Variants in IGSF21 observed in about 807,000 individuals in gnomAD.
IGSF21 encodes immunoglobulin superfamily member 21.
IGSF21 carries 28 observed loss-of-function variants against 46.8 expected under a neutral mutation model. The observed-to-expected ratio is 0.60, with a 90% CI of 0.44 to 0.82. The LOEUF (loss-of-function observed/expected upper bound fraction) is 0.82, where lower values mean the gene tolerates loss of function less well. Among genes scored for constraint, IGSF21 ranks in the 40% least tolerant of loss-of-function variants. The pLI, the probability that IGSF21 is intolerant of heterozygous loss-of-function variation, is 0.00. For missense variants in IGSF21, 624 were observed against 665.5 expected, an observed-to-expected ratio of 0.94 and a Z score of 0.69; for synonymous variants, 284 against 273.6, an observed-to-expected ratio of 1.04 and a Z score of -0.38.
chr1:18,181,031 G>C (rs2086852011), intron 1 of IGSF21, among the ~76,000 whole-genome samples: 2 of 152,210 alleles, frequency 1.3e-5, no homozygotes, highest in South Asian at 4.1e-4. Context: ...GCCACAGTCT[G>C]TGATCCCTGC....
intron 1 of IGSF21, among the ~76,000 whole-genome samples, chr1:18,196,574 T>A (rs909010774): frequency 4.6e-5 from 7 of 152,336 alleles, no homozygotes; most frequent in Admixed American, 3.9e-4. Context: ...AAATTATCCG[T>A]GTCAAGGCTG....
Position 18,121,670 on chromosome 1 carries a change from C to T in IGSF21, c.70+13472C>T, listed in dbSNP as rs529927915. Among the ~76,000 whole-genome samples the T allele has an allele frequency of 1.4e-3, 220 of 152,278 alleles. 2 individuals are homozygous for T. Among genetic ancestry groups the T allele is most frequent in the African/African-American group, 5.1e-3 (213 of 41,546 alleles). ...ATCCTCCACCAGCCCTGCTGTTGGC[C>T]CTGCCCCGATGCAGGTCCATCTCAG... On this transcript the variant is annotated intron_variant, in intron 1 of 9. Transcript: ENST00000251296.
intron 1 of IGSF21, among the ~76,000 whole-genome samples, chr1:18,226,667 G>GT (rs1163177864): frequency 1.3e-5 from 2 of 152,178 alleles, no homozygotes; most frequent in East Asian, 1.9e-4. Flanking sequence ...GTTTTGTTTT[G>GT]TTTTTTGTTT....
intron 3 of IGSF21, among the ~76,000 whole-genome samples, chr1:18,307,105 A>G (rs1396482015): frequency 5.9e-5 from 9 of 151,506 alleles, no homozygotes; most frequent in African/African-American, 9.7e-5. Context: ...AATTGATTAC[A>G]TATTTCCTTC....
chr1:18,291,668 G>A (rs1030195036), intron 2 of IGSF21, among the ~76,000 whole-genome samples, 198 bp from the exon 3 acceptor site: 1 of 152,190 alleles, frequency 6.6e-6, no homozygotes, highest in Non-Finnish European at 1.5e-5. Flanking sequence ...CCCGTTGCCA[G>A]GCTGGCTCCT....
intron 2 of IGSF21, among the ~76,000 whole-genome samples, chr1:18,279,275 C>T (rs1350350284): frequency 6.6e-6 from 1 of 152,208 alleles, no homozygotes; most frequent in Admixed American, 6.5e-5. Context: ...TCTCTTCCAT[C>T]TTCCTTAATT....
intron 3 of IGSF21, among the ~76,000 whole-genome samples, chr1:18,300,778 C>T (rs562155491): frequency 2.6e-5 from 4 of 152,282 alleles, no homozygotes; most frequent in South Asian, 4.1e-4. Context: ...CTAGAAGTTC[C>T]ACTGGACCCA....
chr1:18,146,088 T>A (rs1319658308), intron 1 of IGSF21, among the ~76,000 whole-genome samples: 2 of 151,958 alleles, frequency 1.3e-5, no homozygotes, highest in Non-Finnish European at 2.9e-5. Flanking sequence ...TACATATCCA[T>A]CTAAAGGAGA....
chr1:18,325,172 C>T (rs1557644283), intron 3 of IGSF21, among the ~76,000 whole-genome samples: 1 of 152,188 alleles, frequency 6.6e-6, no homozygotes, highest in African/African-American at 2.4e-5. Flanking sequence ...GCTCAGCATT[C>T]GGTTAGTGCA....
chr1:18,280,105 A>G (rs1216960773), intron 2 of IGSF21, among the ~76,000 whole-genome samples: 2 of 152,136 alleles, frequency 1.3e-5, no homozygotes, highest in African/African-American at 4.8e-5. Context: ...CCGGGGGGTG[A>G]CACGGGGACT....
intron 3 of IGSF21, among the ~76,000 whole-genome samples, chr1:18,324,714 G>A (rs2085640893): frequency 6.6e-6 from 1 of 152,144 alleles, no homozygotes; most frequent in South Asian, 2.1e-4. Context: ...GCTCAAGGGA[G>A]GGTCTCCTGT....
chr1:18,128,816 GTC>G (rs2086295097), intron 1 of IGSF21, among the ~76,000 whole-genome samples: 1 of 151,228 alleles, frequency 6.6e-6, no homozygotes. Context: ...GTGTGTGTAT[GTC>G]TCTGTGTCAC....
intron 3 of IGSF21, among the ~76,000 whole-genome samples, chr1:18,321,943 A>T (rs2085605562): frequency 6.6e-6 from 1 of 152,142 alleles, no homozygotes; most frequent in African/African-American, 2.4e-5. Flanking sequence ...GACAATAACA[A>T]CACCTACTTC....
intron 2 of IGSF21, among the ~76,000 whole-genome samples, chr1:18,258,517 T>TA (rs1336593928): frequency 6.6e-6 from 1 of 152,208 alleles, no homozygotes; most frequent in African/African-American, 2.4e-5. Context: ...ATTTTTGTCA[T>TA]AAGTACACTG....
chr1:18,266,814 G>A (rs1185479664), intron 2 of IGSF21, among the ~76,000 whole-genome samples: 9 of 152,198 alleles, frequency 5.9e-5, no homozygotes, highest in Admixed American at 5.9e-4. Context: ...TGACACAGGG[G>A]CCTTCACAGC....
At chr1:18,296,506 G>A (rs1413309281) in intron 3 of IGSF21, among the ~76,000 whole-genome samples, 2 of 152,168 alleles carry the variant, frequency 1.3e-5, no homozygotes, top group East Asian at 1.9e-4. Context: ...ACTCAGCAGG[G>A]TGGCTTGTTC....
intron 1 of IGSF21, among the ~76,000 whole-genome samples, chr1:18,158,115 G>A (rs1362980201): frequency 6.6e-6 from 1 of 152,174 alleles, no homozygotes; most frequent in Non-Finnish European, 1.5e-5. Context: ...CCATCAGACT[G>A]GGAGCTCCCT....
intron 2 of IGSF21, among the ~76,000 whole-genome samples, chr1:18,277,766 C>T (rs2085117039): frequency 6.6e-6 from 1 of 152,142 alleles, no homozygotes; most frequent in Non-Finnish European, 1.5e-5. Context: ...GAGAAAAGAG[C>T]CTTCCCTGGA....
rs146733691 is a variant in IGSF21 at position 18,365,381 on chromosome 1, C to G, written c.699C>G (p.Asp233Glu). 3.7e-6 allele frequency: 6 copies of G among 1,613,950 alleles called. No homozygotes were observed. The highest frequency in any genetic ancestry group is 5.1e-6 in the Non-Finnish European group (6 of 1,180,032). ...TKMQKSLSLL[D>E]AENRGGRPYT... Reference sequence around the variant, plus strand: ...TGCAGAAGTCACTGTCCCTCCTGGACGCCGAGAACCGGGGTGGGCGACCCT... The same window carrying G: ...TGCAGAAGTCACTGTCCCTCCTGGAGGCCGAGAACCGGGGTGGGCGACCCT... The change falls in exon 6 of 10, where the codon GAC becomes GAG. Residue 233 changes from aspartate (D) to glutamate (E), a missense_variant. By Grantham distance (45) the Asp-to-Glu change is conservative. Transcript: ENST00000251296. The surrounding 1 kb of genome is among the most constrained non-coding windows in gnomAD (Gnocchi z 4.8).
Sources: allele counts gnomAD v4.1 joint callset (sites outside exome capture counted in the v4.1 genomes callset), GRCh38; gene constraint gnomAD v4.1.1; non-coding constraint Gnocchi (gnomAD v3.1); transcripts MANE v1.5; gene names NCBI Gene and HGNC (gene_info 2026-07-23, HGNC 2026-07-21).